ATAT1: variants seen among roughly 807,000 people sequenced by gnomAD.
The protein encoded by ATAT1 is alpha-tubulin N-acetyltransferase 1.
ATAT1 carries 42 observed loss-of-function variants against 57.2 expected under a neutral mutation model. The ratio of observed to expected loss-of-function variants is 0.73; its 90% confidence interval spans 0.57 to 0.95. The LOEUF is 0.95. Among genes scored for constraint, ATAT1 ranks in the 40% least tolerant of loss-of-function variants. The pLI, the probability that ATAT1 is intolerant of heterozygous loss-of-function variation, is 0.00. For synonymous variants in ATAT1, 168 were observed against 187.1 expected, an observed-to-expected ratio of 0.90 and a Z score of 0.83; for missense variants, 454 against 523.7, an observed-to-expected ratio of 0.87 and a Z score of 1.30.
intron 6 of ATAT1, among the ~76,000 whole-genome samples, chr6:30,640,159 C>T (rs1765097088): frequency 6.6e-6 from 1 of 151,862 alleles, no homozygotes; most frequent in Non-Finnish European, 1.5e-5. Flanking sequence ...AAAAAATTGC[C>T]TACAGCATTC....
chr6:30,643,253 A>G, intron 10 of ATAT1: 1 of 1,422,234 alleles, frequency 7.0e-7, no homozygotes, highest in Non-Finnish European at 9.2e-7. Context: ...GTTATGTGGA[A>G]TGGTAGGAAG....
chr6:30,635,302 G>T (rs1247917787), intron 6 of ATAT1, among the ~76,000 whole-genome samples: 1 of 152,070 alleles, frequency 6.6e-6, no homozygotes, highest in Non-Finnish European at 1.5e-5. Flanking sequence ...GACTAGTGAA[G>T]TAGATGAAAA....
chr6:30,642,626 G>A (rs1374616474), intron 9 of ATAT1, 142 bp from the exon 10 acceptor site: 18 of 663,030 alleles, frequency 2.7e-5, no homozygotes, highest in Non-Finnish European at 3.8e-5. Context: ...TTGGGTGACA[G>A]AGTGAGACTC....
chr6:30,643,917 G>A, intron 10 of ATAT1: 1 of 1,149,936 alleles, frequency 8.7e-7, no homozygotes. Flanking sequence ...GAAGGTCTAA[G>A]GGCATCCTGT....
rs375555011 is a variant in ATAT1 at position 30,626,977 on chromosome 6, C to T, written c.-227C>T. On this transcript the variant is annotated 5_prime_UTR_variant, in exon 1 of 13. Coordinates refer to ENST00000330083, the MANE Select transcript of ATAT1 (RefSeq NM_001031722.4). ...AGGCCCCCAGCCCGCCGACCCGGAA[C>T]CACAACGCCGGCCCGGTGACAGCTC... is the stretch of plus-strand genomic sequence containing the variant. 2.7e-5 allele frequency: 43 copies of T among 1,600,982 alleles called. No homozygotes were observed. Among genetic ancestry groups the T allele is most frequent in the Non-Finnish European group, 3.5e-5 (41 of 1,174,006 alleles).
rs1305425351 is a variant in ATAT1 at position 30,627,000 on chromosome 6, C to T, written c.-204C>T. On this transcript the variant is annotated 5_prime_UTR_variant, in exon 1 of 13. Transcript: ENST00000330083. ...AACCACAACGCCGGCCCGGTGACAG[C>T]TCAAACCCACCCTCTGGCCCTTTTC... The T allele has an allele frequency of 1.3e-6, 2 of 1,583,258 alleles. No homozygotes were observed. Among genetic ancestry groups the T allele is most frequent in the South Asian group, 2.3e-5 (2 of 87,538 alleles).
chr6:30,646,022 C>G (rs1455024219), intron 11 of ATAT1, 45 bp from the exon 12 acceptor site: 4 of 1,606,654 alleles, frequency 2.5e-6, no homozygotes, highest in Non-Finnish European at 3.4e-6. Flanking sequence ...GCCACATTCA[C>G]TGTCTACTCC....
rs755141636 is a variant in ATAT1, at chr6:30,628,474, G to C, written c.501+44G>C. 1.2e-5 allele frequency: 17 copies of C among 1,474,038 alleles called. No individual in the cohort carries two copies. In the South Asian group the frequency reaches 1.4e-4, roughly 12 times the overall value. 91.3% of individuals were successfully genotyped at this position (1,474,038 alleles called of 1,614,324 possible). A position where few individuals can be genotyped will look rare whatever the true frequency, so the allele number is the denominator to read the frequency against. On this transcript the variant is annotated intron_variant, in intron 6 of 12. Coordinates refer to ENST00000330083, the MANE Select transcript of ATAT1 (RefSeq NM_001031722.4). ...TAGATCCCCACTGAGCATTCCCATT[G>C]AATTTATTTGTTATTTATGGCAAAG...
At chr6:30,632,486 C>T (rs549794755) in intron 6 of ATAT1, among the ~76,000 whole-genome samples, 30 of 151,570 alleles carry the variant, frequency 2.0e-4, no homozygotes, top group African/African-American at 4.4e-4. Context: ...ATAGAAGAAT[C>T]GCTTGAACCT....
At chr6:30,630,188 G>T (rs1762550516) in intron 6 of ATAT1, among the ~76,000 whole-genome samples, 1 of 152,186 alleles carries the variant, frequency 6.6e-6, no homozygotes, top group African/African-American at 2.4e-5. Flanking sequence ...AGGCGTGGTG[G>T]CACGAGCCTG....
In ATAT1 at chr6:30,646,606, G is replaced by T; in HGVS notation, c.1193G>T (p.Arg398Leu). ...GACATACTCAACGCCAGGTTCATTC[G>T]AAACCTGCAGGAACGTCGCAGCACC... The change falls in exon 13 of 13, where the codon CGA becomes CTA. Residue 398 changes from arginine to leucine, a missense_variant. This residue lies in a region of ATAT1 where 216 missense variants were observed against 222.2 expected (regional missense o/e 0.97). Coordinates refer to ENST00000330083, the MANE Select transcript of ATAT1 (RefSeq NM_001031722.4). 1 of 1,575,254 alleles carries T rather than the reference G, an allele frequency of 6.3e-7. No homozygotes were observed. Among genetic ancestry groups the T allele is most frequent in the Non-Finnish European group, 8.6e-7 (1 of 1,160,778 alleles).
At chr6:30,639,449 C>T (rs1764900421) in intron 6 of ATAT1, among the ~76,000 whole-genome samples, 1 of 151,358 alleles carries the variant, frequency 6.6e-6, no homozygotes, top group Non-Finnish European at 1.5e-5. Context: ...CATTTTCTCC[C>T]ATTCTGTAGA....
At chr6:30,627,543 A>G in intron 2 of ATAT1, 23 bp downstream of exon 2, 1 of 1,609,714 alleles carries the variant, frequency 6.2e-7, no homozygotes, top group East Asian at 2.2e-5. Flanking sequence ...TTTTAGATGG[A>G]GTAAAGGGAG....
At chr6:30,634,134 AAC>A (rs1447354212) in intron 6 of ATAT1, among the ~76,000 whole-genome samples, 1 of 152,176 alleles carries the variant, frequency 6.6e-6, no homozygotes, top group Non-Finnish European at 1.5e-5. Flanking sequence ...GAGAATTTGC[AAC>A]AGAGGAGGAA....
chr6:30,641,978 T>C, intron 8 of ATAT1, 198 bp from the exon 9 acceptor site: 1 of 1,426,798 alleles, frequency 7.0e-7, no homozygotes, highest in Non-Finnish European at 9.2e-7. Flanking sequence ...TCCTTCTGGC[T>C]TTCCTCAACA....
chr6:30,642,389 TC>T, intron 9 of ATAT1, 142 bp downstream of exon 9: 1 of 1,208,630 alleles, frequency 8.3e-7, no homozygotes, highest in Non-Finnish European at 1.2e-6. Flanking sequence ...ATGCCTGTAA[TC>T]CCAGCACTTT....
At chr6:30,633,115 T>C (rs968744379) in intron 6 of ATAT1, among the ~76,000 whole-genome samples, 1 of 152,144 alleles carries the variant, frequency 6.6e-6, no homozygotes, top group African/African-American at 2.4e-5. Context: ...CAAGTAAGAT[T>C]TCCTGACAGA....
At chr6:30,627,351 C>T in intron 1 of ATAT1, 109 bp from the exon 2 acceptor site, 9 of 1,609,444 alleles carry the variant, frequency 5.6e-6, no homozygotes, top group Non-Finnish European at 7.6e-6. Context: ...GGCAGGGAGC[C>T]TTCAGTGTTA....
chr6:30,628,910 T>C (rs1461892220), intron 6 of ATAT1, among the ~76,000 whole-genome samples: 1 of 151,422 alleles, frequency 6.6e-6, no homozygotes, highest in Non-Finnish European at 1.5e-5. Flanking sequence ...ACTTTTTTTT[T>C]TTTTTTTTCA....
Sources: gnomAD v4.1 joint callset for allele counts (sites outside exome capture counted in the v4.1 genomes callset) on GRCh38, gnomAD v4.1.1 for gene constraint, gnomAD v4.1.1 regional missense constraint, MANE v1.5 for transcripts, NCBI Gene and HGNC (gene_info 2026-07-23, HGNC 2026-07-21) for gene names.